Variants in RIPK4 observed in about 807,000 individuals in gnomAD.
RIPK4 encodes receptor interacting serine/threonine kinase 4.
A neutral mutation model predicts 42.9 loss-of-function variants in RIPK4; 17 were observed. The ratio of observed to expected loss-of-function variants is 0.40; its 90% CI spans 0.27 to 0.59. RIPK4 has a LOEUF of 0.59. Among genes scored for constraint, RIPK4 ranks in the 20% least tolerant of loss-of-function variants. RIPK4 has a pLI of 0.47. For missense variants in RIPK4, 897 were observed against 1,104.4 expected, an observed-to-expected ratio of 0.81 and a Z score of 2.66; for synonymous variants, 498 against 499.1, an observed-to-expected ratio of 1.00 and a Z score of 0.03.
intron 6 of RIPK4, among the ~76,000 whole-genome samples, chr21:41,744,738 G>A (rs1193961776): frequency 6.6e-6 from 1 of 152,164 alleles, no homozygotes; most frequent in African/African-American, 2.4e-5. Context: ...CCCACACGTG[G>A]CCACAACTGC....
At chr21:41,758,858 G>A (rs2061212666) in intron 1 of RIPK4, among the ~76,000 whole-genome samples, 1 of 152,208 alleles carries the variant, frequency 6.6e-6, no homozygotes, top group African/African-American at 2.4e-5. Context: ...TGCAGCCTGT[G>A]TTTTCACAGA....
chr21:41,766,295 T>C (rs1189196689), intron 1 of RIPK4, among the ~76,000 whole-genome samples: 1 of 152,142 alleles, frequency 6.6e-6, no homozygotes, highest in Non-Finnish European at 1.5e-5. Context: ...AAGCCGAAGC[T>C]TCCGACCGAA....
chr21:41,760,782 A>G (rs1469117006), intron 1 of RIPK4, among the ~76,000 whole-genome samples: 1 of 152,042 alleles, frequency 6.6e-6, no homozygotes, highest in Non-Finnish European at 1.5e-5. Context: ...GGGCAGGTCG[A>G]GTGTGTCTGA....
chr21:41,752,624 T>C (rs1456298201), intron 2 of RIPK4, among the ~76,000 whole-genome samples: 1 of 152,168 alleles, frequency 6.6e-6, no homozygotes, highest in African/African-American at 2.4e-5. Flanking sequence ...AGGAACGCCA[T>C]CACCCGACCC....
At chr21:41,746,905 C>T in intron 4 of RIPK4, 134 bp from the exon 5 acceptor site, 3 of 967,126 alleles carry the variant, frequency 3.1e-6, no homozygotes, top group South Asian at 1.6e-5. Flanking sequence ...ACGGCTCCCC[C>T]ACTCCGTTTC....
chr21:41,741,717 C>T lies in RIPK4; in HGVS notation c.1476G>A (p.Ala492=), dbSNP rs3746893. The T allele has an allele frequency of 0.44, 708,289 of 1,613,042 alleles. 157,055 individuals carry two copies. The highest frequency in any genetic ancestry group is 0.61 in the East Asian group (27,175 of 44,872). ...CCTTGGCGTTGACACTGATCTTCCG[C>T]GCCAGCAGGAGCTCCACGACACCCC... is the stretch of plus-strand genomic sequence containing the variant. The part of the protein sequence containing the change: ...RVRGVVELLL[A]RKISVNAKDE... The change falls in exon 8 of 8, where the codon GCG becomes GCA. Residue 492 remains alanine, a synonymous_variant. Coordinates refer to ENST00000332512, the MANE Select transcript of RIPK4 (RefSeq NM_020639.3).
intron 2 of RIPK4, among the ~76,000 whole-genome samples, chr21:41,754,034 A>G (rs1412572427): frequency 6.6e-6 from 1 of 152,214 alleles, no homozygotes; most frequent in Non-Finnish European, 1.5e-5. Flanking sequence ...AGTTGCTGTG[A>G]TATTTCCAGT....
intron 6 of RIPK4, among the ~76,000 whole-genome samples, chr21:41,744,433 G>A (rs4919941): frequency 0.012 from 1,883 of 152,256 alleles, 110 homozygotes; most frequent in Admixed American, 0.098. Flanking sequence ...GGGATGCTCA[G>A]ACTCTGCACC....
Position 41,742,428 on chromosome 21 carries a change from A to G in RIPK4, c.1196-431T>C, listed in dbSNP as rs1243554008. Among the ~76,000 whole-genome samples, 1 of 152,196 alleles carries G rather than the reference A, an allele frequency of 6.6e-6. No individual in the cohort carries two copies. Among genetic ancestry groups the G allele is most frequent in the East Asian group, 1.9e-4 (1 of 5,192 alleles). On this transcript the variant is annotated intron_variant, in intron 7 of 7. Transcript: ENST00000332512. This position sits in a 1 kb window ranked among gnomAD's most constrained non-coding sequence, Gnocchi z 5.1. ...GCCCCAGGCCTAGCAGCCTGCAGAG[A>G]TGGTGACTAGAGCTGGAAGGGGCTG...
chr21:41,744,601 C>T (rs568854392), intron 6 of RIPK4, among the ~76,000 whole-genome samples: 5 of 152,354 alleles, frequency 3.3e-5, no homozygotes, highest in African/African-American at 9.6e-5. Flanking sequence ...CTGCACAGAG[C>T]GTCACCCAGA....
In RIPK4 at chr21:41,756,678, C is replaced by A; in HGVS notation, c.321G>T (p.Leu107=). 1.2e-6 allele frequency: 2 copies of A among 1,614,212 alleles called. No homozygotes were observed. Among genetic ancestry groups the A allele is most frequent in the Non-Finnish European group, 1.7e-6 (2 of 1,180,048 alleles). ...CCCATGGCAATGGCTCCGAAGCCAG[C>A]AGCTTTTCCAGGGAGCCCGTCTCCA... ...EYMETGSLEK[L]LASEPLPWDL... Residue 107 remains leucine (L), a synonymous_variant, in exon 2 of 8, where the codon CTG becomes CTT. Coordinates refer to ENST00000332512, the MANE Select transcript of RIPK4 (RefSeq NM_020639.3).
At chr21:41,750,709 G>A (rs1196433404) in intron 3 of RIPK4, among the ~76,000 whole-genome samples, 2 of 152,046 alleles carry the variant, frequency 1.3e-5, no homozygotes, top group South Asian at 2.1e-4. Flanking sequence ...AGACAGGGTC[G>A]CGCTCTGTTG....
Position 41,741,152 on chromosome 21 carries a change from C to G in RIPK4, c.2041G>C (p.Gly681Arg). 1 of 1,612,800 alleles carries G rather than the reference C, an allele frequency of 6.2e-7. No homozygotes were observed. The highest frequency in any genetic ancestry group is 1.1e-5 in the South Asian group (1 of 91,014). Residue 681 changes from glycine (G) to arginine (R), a missense_variant, in exon 8 of 8, where the codon GGA becomes CGA. Coordinates refer to ENST00000332512, the MANE Select transcript of RIPK4 (RefSeq NM_020639.3). ...YTALHLAARN[G>R]HLATVKLLVE... ...AGCAGCTTGACAGTGGCCAGGTGTC[C>G]GTTGCGGGCAGCCAGGTGCAGAGCG...
intron 1 of RIPK4, among the ~76,000 whole-genome samples, chr21:41,758,039 TATAGAGAGAGAGAGAGAG>T (rs1456010541): frequency 3.4e-5 from 3 of 89,054 alleles, no homozygotes; most frequent in African/African-American, 1.8e-4. Context: ...TATATATATA[TATAGAGAGAGAGAGAGAG>T]AGAGAGAGAG....
In RIPK4 at chr21:41,740,063, T is replaced by G. The variant is rs2061147549; in HGVS notation, c.*775A>C. The G allele has an allele frequency of 6.6e-6, 1 of 151,874 alleles. No homozygotes were observed. 9.4% of individuals were successfully genotyped at this position (151,874 alleles called of 1,614,324 possible). ...GGAGAATTTTTTAATGACTTAGGCC[T>G]GTGGCTCTAGAGTTGCCAAAACATC... On this transcript the variant is annotated 3_prime_UTR_variant, in exon 8 of 8. Transcript: ENST00000332512.
At chr21:41,765,641 A>AGC (rs1279742432) in intron 1 of RIPK4, among the ~76,000 whole-genome samples, 2 of 152,250 alleles carry the variant, frequency 1.3e-5, no homozygotes, top group Admixed American at 6.5e-5. Flanking sequence ...GCTGGGGCTT[A>AGC]GCGGCCCCAT....
chr21:41,743,125 C>A (rs759116621), intron 7 of RIPK4, among the ~76,000 whole-genome samples: 2 of 152,176 alleles, frequency 1.3e-5, no homozygotes, highest in Non-Finnish European at 2.9e-5. Context: ...CCCGAGATTG[C>A]AGCCTTGGCC....
At position 41,755,780 on chromosome 21, in the gene RIPK4, T is replaced by C. The variant is rs3787954; in HGVS notation, c.474+745A>G. 0.08 allele frequency among the ~76,000 whole-genome samples: 12,142 copies of C among 152,172 alleles called. 672 individuals carry two copies. Among genetic ancestry groups the C allele is most frequent in the East Asian group, 0.19 (974 of 5,174 alleles). The stretch of plus-strand genomic sequence containing the variant: ...CAACGCGCCAGGTGTAACCACCACA[T>C]GTCAACGACAGTACAACCCTAGCCA... On this transcript the variant is annotated intron_variant, in intron 2 of 7. Coordinates refer to ENST00000332512, the MANE Select transcript of RIPK4 (RefSeq NM_020639.3). This position sits in a 1 kb window ranked among gnomAD's most constrained non-coding sequence, Gnocchi z 4.2.
Position 41,744,093 on chromosome 21 carries a change from G to A in RIPK4, c.984C>T (p.Asn328=), listed in dbSNP as rs368623411. 2.1e-5 allele frequency: 34 copies of A among 1,608,210 alleles called. No homozygotes were observed. The highest frequency in any genetic ancestry group is 8.4e-5 in the Admixed American group (5 of 59,696). The change falls in exon 7 of 8, where the codon AAC becomes AAT. Residue 328 remains asparagine (N), a synonymous_variant. Coordinates refer to ENST00000332512, the MANE Select transcript of RIPK4 (RefSeq NM_020639.3). ...AGAGCAGCTCGGAGAGGCTGTAGTC[G>A]TTATCGAAGGTGGGGGCAGAGGCCC... The part of the protein sequence containing the change: ...LKRASAPTFD[N]DYSLSELLSQ...
Sources: allele counts gnomAD v4.1 joint callset (sites outside exome capture counted in the v4.1 genomes callset), GRCh38; gene constraint gnomAD v4.1.1; non-coding constraint Gnocchi (gnomAD v3.1); transcripts MANE v1.5; gene names NCBI Gene and HGNC (gene_info 2026-07-23, HGNC 2026-07-21).